Variants in ENPP6 observed in about 807,000 individuals in gnomAD.
ENPP6 encodes glycerophosphocholine cholinephosphodiesterase ENPP6.
Under a neutral mutation model 42.0 loss-of-function variants are expected in ENPP6, and 32 were observed. The ratio of observed to expected loss-of-function variants is 0.76; its 90% CI spans 0.58 to 1.02. ENPP6 has a LOEUF of 1.02. ENPP6 is among the 50% of genes least tolerant of loss of function. The pLI is 0.00. For missense variants in ENPP6, 552 were observed against 566.8 expected (o/e 0.97, Z 0.27); for synonymous variants, 213 against 216.0 (o/e 0.99, Z 0.12).
chr4:184,129,291 T>TACACACAC (rs60982411), intron 2 of ENPP6, among the ~76,000 whole-genome samples: 3,344 of 145,368 alleles, frequency 0.023, 113 homozygotes, highest in African/African-American at 0.073. Context: ...CCCCCCAACA[T>TACACACAC]ACACACACAC....
chr4:184,101,536 C>T (rs1421796069), intron 6 of ENPP6, among the ~76,000 whole-genome samples: 1 of 152,110 alleles, frequency 6.6e-6, no homozygotes, highest in African/African-American at 2.4e-5. Context: ...CAGAGAGAGA[C>T]AGCTGGAAGA....
At position 184,117,879 on chromosome 4, in the gene ENPP6, T is replaced by A; in HGVS notation, c.555A>T (p.Ala185=). 1 of 1,614,122 alleles carries A rather than the reference T, an allele frequency of 6.2e-7. No individual in the cohort carries two copies. Among genetic ancestry groups the A allele is most frequent in the Non-Finnish European group, 8.5e-7 (1 of 1,180,006 alleles). ...DSFKSGRADL[A]AIYHERIDVE... ...CGTCAATGCGCTCATGGTATATGGC[T>A]GCCAGGTCGGCCCGGCCACTCCTGG... The change falls in exon 4 of 8, where the codon GCA becomes GCT. Residue 185 remains alanine, a synonymous_variant. Transcript: ENST00000296741.
rs1258938284 is a variant in ENPP6 at position 184,088,959 on chromosome 4, T to A, written c.*2218A>T. On this transcript the variant is annotated 3_prime_UTR_variant, in exon 8 of 8. Coordinates refer to ENST00000296741, the MANE Select transcript of ENPP6 (RefSeq NM_153343.4). ...ACTGTGTCTAAGTTTATGCCTCTCT[T>A]GAGTTTGATGATCCAATTTTAATTT... The A allele has an allele frequency of 6.6e-6, 1 of 152,196 alleles. No individual in the cohort carries two copies. The highest frequency in any genetic ancestry group is 1.5e-5 in the Non-Finnish European group (1 of 68,026). 9.4% of individuals were successfully genotyped at this position (152,196 alleles called of 1,614,324 possible).
intron 2 of ENPP6, among the ~76,000 whole-genome samples, chr4:184,152,110 C>T (rs555308148): frequency 7.9e-5 from 12 of 152,330 alleles, no homozygotes; most frequent in African/African-American, 2.6e-4. Context: ...ATTCATGCAG[C>T]CTGCCCTGGC....
At chr4:184,171,591 G>A (rs1737461820) in intron 1 of ENPP6, among the ~76,000 whole-genome samples, 1 of 152,294 alleles carries the variant, frequency 6.6e-6, no homozygotes, top group East Asian at 1.9e-4. Context: ...ATTAAGCGGT[G>A]TCACGAGCCA....
At chr4:184,119,950 A>G (rs1448086208) in intron 3 of ENPP6, among the ~76,000 whole-genome samples, 1 of 152,118 alleles carries the variant, frequency 6.6e-6, no homozygotes, top group Non-Finnish European at 1.5e-5. Context: ...TCTTCCCTTT[A>G]CAAATTACCC....
intron 1 of ENPP6, among the ~76,000 whole-genome samples, chr4:184,157,435 C>T (rs1221037640): frequency 7.2e-6 from 1 of 139,298 alleles, no homozygotes; most frequent in Non-Finnish European, 1.6e-5. Flanking sequence ...CTTTCCTTTT[C>T]TTTCTTTCTT....
chr4:184,109,235 AAAAAAAAC>A (rs946409215), intron 6 of ENPP6, among the ~76,000 whole-genome samples: 4 of 110,270 alleles, frequency 3.6e-5, no homozygotes, highest in Non-Finnish European at 8.0e-5. Context: ...AACAACAACA[AAAAAAAAC>A]AAAACAAACA....
Position 184,091,088 on chromosome 4 carries a change from C to T in ENPP6, c.*89G>A. The stretch of plus-strand genomic sequence containing the variant: ...CATGGTCTTGATTGTGTTAATGAAG[C>T]TATTATTCACACATAAAATGAAAAT... On this transcript the variant is annotated 3_prime_UTR_variant, in exon 8 of 8. Coordinates refer to ENST00000296741, the MANE Select transcript of ENPP6 (RefSeq NM_153343.4). The T allele has an allele frequency of 5.0e-6, 6 of 1,193,006 alleles. No individual in the cohort carries two copies. The South Asian group carries it at 8.0e-5, about 16-fold the overall frequency. The allele number at this position is 1,193,006 out of a possible 1,614,324, so 73.9% of individuals were successfully genotyped here.
intron 2 of ENPP6, among the ~76,000 whole-genome samples, chr4:184,146,921 C>G (rs1403538871): frequency 1.3e-5 from 2 of 152,178 alleles, no homozygotes; most frequent in East Asian, 3.8e-4. Flanking sequence ...TGTCCAGGAC[C>G]CTTTTTTCTT....
intron 1 of ENPP6, among the ~76,000 whole-genome samples, chr4:184,158,842 T>C (rs1737216299): frequency 6.6e-6 from 1 of 152,242 alleles, no homozygotes; most frequent in Non-Finnish European, 1.5e-5. Context: ...TTTCTTCATT[T>C]ATGTCAATAA....
intron 1 of ENPP6, among the ~76,000 whole-genome samples, chr4:184,166,048 A>C (rs1240898622): frequency 6.6e-6 from 1 of 152,234 alleles, no homozygotes; most frequent in East Asian, 1.9e-4. Context: ...AACTAACTTA[A>C]AAATTGAAAT....
chr4:184,205,537 C>T (rs1232728472), intron 1 of ENPP6, among the ~76,000 whole-genome samples: 1 of 152,208 alleles, frequency 6.6e-6, no homozygotes. Flanking sequence ...CCTATAGGGC[C>T]AGGTCTGCAA....
At chr4:184,138,977 A>G (rs1736774952) in intron 2 of ENPP6, among the ~76,000 whole-genome samples, 2 of 152,266 alleles carry the variant, frequency 1.3e-5, no homozygotes, top group Admixed American at 6.5e-5. Flanking sequence ...TAATGGGGTG[A>G]GAAGGTCCTA....
At chr4:184,156,262 T>G (rs1737157690) in intron 1 of ENPP6, among the ~76,000 whole-genome samples, 1 of 152,172 alleles carries the variant, frequency 6.6e-6, no homozygotes, top group Non-Finnish European at 1.5e-5. Context: ...CTGCTTCAGA[T>G]CTTGTCCCGC....
intron 2 of ENPP6, among the ~76,000 whole-genome samples, chr4:184,147,075 C>A (rs1028257909): frequency 6.6e-6 from 1 of 152,162 alleles, no homozygotes; most frequent in African/African-American, 2.4e-5. Flanking sequence ...GAGCCAACTC[C>A]GAATTGATGT....
intron 2 of ENPP6, among the ~76,000 whole-genome samples, chr4:184,145,063 A>G (rs1157924595): frequency 6.6e-6 from 1 of 152,206 alleles, no homozygotes; most frequent in Non-Finnish European, 1.5e-5. Flanking sequence ...GAGGAGGAGG[A>G]GGAGGTGAGC....
At chr4:184,126,635 A>C (rs1736507405) in intron 2 of ENPP6, among the ~76,000 whole-genome samples, 1 of 152,216 alleles carries the variant, frequency 6.6e-6, no homozygotes, top group African/African-American at 2.4e-5. Context: ...AGAAAGCTGT[A>C]GACAATGCTG....
At chr4:184,107,319 G>T (rs1736113212) in intron 6 of ENPP6, among the ~76,000 whole-genome samples, 1 of 152,252 alleles carries the variant, frequency 6.6e-6, no homozygotes, top group East Asian at 1.9e-4. Flanking sequence ...TGTGGAGGCA[G>T]CCTGTGCTTT....
Sources: gnomAD v4.1 joint callset for allele counts (sites outside exome capture counted in the v4.1 genomes callset) on GRCh38, gnomAD v4.1.1 for gene constraint, MANE v1.5 for transcripts, NCBI Gene and HGNC (gene_info 2026-07-23, HGNC 2026-07-21) for gene names.